RBFOX1: variants seen among roughly 807,000 people sequenced by gnomAD.
The protein encoded by RBFOX1 is RNA binding fox-1 homolog 1.
In RBFOX1, 8 loss-of-function variants were observed where a neutral mutation model predicts 57.7. The ratio of observed to expected loss-of-function variants is 0.14; its 90% CI spans 0.08 to 0.25. The LOEUF is 0.25. Ranked by LOEUF, RBFOX1 falls within the 10% of genes least tolerant of loss-of-function variation. The probability of loss-of-function intolerance (pLI) is 1.00; values close to 1 mark genes in which losing one functional copy is unlikely to be tolerated. For missense variants in RBFOX1, 611 were observed against 548.5 expected, an observed-to-expected ratio of 1.11 and a Z score of -1.14; for synonymous variants, 326 against 222.4, an observed-to-expected ratio of 1.47 and a Z score of -4.15.
intron 4 of RBFOX1, among the ~76,000 whole-genome samples, chr16:7,516,121 A>T (rs756671914): frequency 2.0e-5 from 3 of 152,150 alleles, no homozygotes; most frequent in Non-Finnish European, 2.9e-5. Context: ...CTGGAATTAC[A>T]GGCATGAGGC....
intron 4 of RBFOX1, among the ~76,000 whole-genome samples, chr16:7,499,117 C>G (rs1435165066): frequency 2.6e-5 from 4 of 152,202 alleles, no homozygotes; most frequent in Non-Finnish European, 1.5e-5. Context: ...TAGAAATTTA[C>G]TGGCTCACAG....
intron 3 of RBFOX1, among the ~76,000 whole-genome samples, chr16:5,729,109 C>G (rs1478953948): frequency 1.3e-5 from 2 of 152,184 alleles, no homozygotes; most frequent in Non-Finnish European, 2.9e-5. Context: ...TTGCTGAGAA[C>G]CGGAACAGTT....
chr16:6,571,549 G>C (rs2097344853), intron 2 of RBFOX1, among the ~76,000 whole-genome samples: 1 of 152,128 alleles, frequency 6.6e-6, no homozygotes, highest in Non-Finnish European at 1.5e-5. Context: ...TAGTCGGGGA[G>C]AGAGGAGAGG....
intron 10 of RBFOX1, among the ~76,000 whole-genome samples, chr16:7,624,389 A>T (rs1176081830): frequency 1.3e-5 from 2 of 152,210 alleles, no homozygotes; most frequent in African/African-American, 2.4e-5. Context: ...CAGTGTGACT[A>T]ATTATGTAGG....
At chr16:7,145,004 C>T (rs1000265570) in intron 4 of RBFOX1, among the ~76,000 whole-genome samples, 3 of 152,130 alleles carry the variant, frequency 2.0e-5, no homozygotes, top group African/African-American at 4.8e-5. Context: ...GGTCAGCTGA[C>T]GTTGTTTTTT....
intron 1 of RBFOX1, among the ~76,000 whole-genome samples, chr16:5,261,470 G>T (rs1403688239): frequency 6.6e-6 from 1 of 151,402 alleles, no homozygotes; most frequent in Non-Finnish European, 1.5e-5. Context: ...AATTTAGTTG[G>T]CTATAAAATT....
intron 4 of RBFOX1, among the ~76,000 whole-genome samples, chr16:7,387,023 C>G (rs555127176): frequency 6.6e-6 from 1 of 152,278 alleles, no homozygotes; most frequent in South Asian, 2.1e-4. Flanking sequence ...GCATAAATGT[C>G]TTCTCTTGAG....
chr16:5,413,554 C>T (rs2067081768), intron 1 of RBFOX1, among the ~76,000 whole-genome samples: 1 of 152,206 alleles, frequency 6.6e-6, no homozygotes, highest in Non-Finnish European at 1.5e-5. Context: ...CCATATCAGA[C>T]AGCACAGACG....
At chr16:5,525,410 G>C (rs1204600548) in intron 2 of RBFOX1, among the ~76,000 whole-genome samples, 1 of 151,694 alleles carries the variant, frequency 6.6e-6, no homozygotes, top group African/African-American at 2.4e-5. Flanking sequence ...ATGCAGAGAA[G>C]GTGAGTGGTT....
At chr16:6,818,444 ATAT>A (rs1454951485) in intron 3 of RBFOX1, among the ~76,000 whole-genome samples, 2 of 152,178 alleles carry the variant, frequency 1.3e-5, no homozygotes, top group Non-Finnish European at 2.9e-5. Flanking sequence ...GAAAAAAAAA[ATAT>A]TATTGAATGC....
At chr16:7,643,535 T>G (rs1262150981) in intron 11 of RBFOX1, among the ~76,000 whole-genome samples, 1 of 152,206 alleles carries the variant, frequency 6.6e-6, no homozygotes, top group Non-Finnish European at 1.5e-5. Context: ...TAGCTGAATT[T>G]AGTTGTAAGG....
At chr16:5,241,013 T>C (rs1334125833) in intron 1 of RBFOX1, among the ~76,000 whole-genome samples, 1 of 152,242 alleles carries the variant, frequency 6.6e-6, no homozygotes, top group Non-Finnish European at 1.5e-5. Flanking sequence ...TCCAAATGTT[T>C]TTATGTTTGA....
rs749081578 is a variant in RBFOX1 at position 7,464,212 on chromosome 16, G to C, written c.28-53935G>C. 3.9e-5 allele frequency among the ~76,000 whole-genome samples: 6 copies of C among 152,286 alleles called. 1 individual carries two copies. The highest frequency in any genetic ancestry group is 4.1e-4 in the South Asian group (2 of 4,822). On this transcript the variant is annotated intron_variant, in intron 4 of 15. Coordinates refer to ENST00000550418, the MANE Select transcript of RBFOX1 (RefSeq NM_018723.4). ...AAGACATGTGTTTTGCTCAATGATT[G>C]TGTGTGCACCTGTGCACCTATGCAC... is the stretch of plus-strand genomic sequence containing the variant.
intron 1 of RBFOX1, among the ~76,000 whole-genome samples, chr16:5,306,379 G>T (rs979051778): frequency 1.3e-5 from 2 of 151,608 alleles, no homozygotes; most frequent in Non-Finnish European, 2.9e-5. Flanking sequence ...TAGTGTAGTG[G>T]CATGATCTTG....
chr16:6,709,012 G>C (rs2063281436), intron 3 of RBFOX1, among the ~76,000 whole-genome samples: 1 of 151,302 alleles, frequency 6.6e-6, no homozygotes, highest in South Asian at 2.1e-4. Flanking sequence ...TTCCCTGACT[G>C]TGCCTCTTTG....
intron 2 of RBFOX1, among the ~76,000 whole-genome samples, chr16:6,574,775 A>C (rs1174783468): frequency 7.0e-6 from 1 of 143,282 alleles, no homozygotes; most frequent in Non-Finnish European, 1.5e-5. Flanking sequence ...GTGGTGGCTC[A>C]CGCCTGTAAT....
intron 2 of RBFOX1, among the ~76,000 whole-genome samples, chr16:6,414,122 C>T (rs1279732872): frequency 6.6e-6 from 1 of 152,136 alleles, no homozygotes; most frequent in Non-Finnish European, 1.5e-5. Flanking sequence ...CCAAGAGAGC[C>T]AGCACAGGCC....
At chr16:7,104,231 A>G (rs972236267) in intron 4 of RBFOX1, among the ~76,000 whole-genome samples, 2 of 152,158 alleles carry the variant, frequency 1.3e-5, no homozygotes, top group African/African-American at 2.4e-5. Context: ...AAACTGCAGT[A>G]TTAACCTCTA....
At chr16:6,566,052 C>G (rs2097261335) in intron 2 of RBFOX1, among the ~76,000 whole-genome samples, 1 of 152,202 alleles carries the variant, frequency 6.6e-6, no homozygotes, top group South Asian at 2.1e-4. Flanking sequence ...GGACAGAGAA[C>G]AAACAGAGTT....
Sources: allele counts gnomAD v4.1 joint callset (sites outside exome capture counted in the v4.1 genomes callset), GRCh38; gene constraint gnomAD v4.1.1; transcripts MANE v1.5; gene names NCBI Gene and HGNC (gene_info 2026-07-23, HGNC 2026-07-21).